Variants in AR observed in about 807,000 individuals in gnomAD.
AR encodes the protein androgen receptor.
In AR, 8 loss-of-function variants were observed where a neutral mutation model predicts 53.9. That is an observed-to-expected ratio of 0.15 (90% CI 0.09 to 0.27). The LOEUF is 0.27. Ranked by LOEUF, AR falls within the 10% of genes least tolerant of loss-of-function variation. AR has a pLI of 1.00. For missense variants in AR, 639 were observed against 742.5 expected (o/e 0.86, Z 1.62); for synonymous variants, 359 against 316.4 (o/e 1.13, Z -1.43).
intron 1 of AR, among the ~76,000 whole-genome samples, chrX:67,603,632 A>G (rs1188939316): frequency 6.2e-5 from 7 of 112,156 alleles, no homozygotes; most frequent in Non-Finnish European, 9.4e-5. Context: ...AAACAAGTTT[A>G]AAAGTATAGA....
intron 1 of AR, among the ~76,000 whole-genome samples, chrX:67,605,893 T>A (rs1923601334): frequency 8.9e-6 from 1 of 112,140 alleles, no homozygotes; most frequent in Admixed American, 9.5e-5. Flanking sequence ...AATAGACAGA[T>A]CATTGGCATT....
intron 2 of AR, among the ~76,000 whole-genome samples, chrX:67,680,484 G>A (rs890534600): frequency 8.9e-6 from 1 of 111,851 alleles, no homozygotes; most frequent in African/African-American, 3.2e-5. Context: ...CCAGGAATAT[G>A]GTACAACTTT....
intron 2 of AR, among the ~76,000 whole-genome samples, chrX:67,658,335 C>A (rs982495578): frequency 7.2e-5 from 8 of 111,633 alleles, no homozygotes; most frequent in African/African-American, 2.6e-4. Context: ...GATGAAAGAA[C>A]AGAAAGGGAA....
chrX:67,695,028 G>T (rs1021803415), intron 3 of AR: 87 of 855,073 alleles, frequency 1.0e-4, no homozygotes, highest in Non-Finnish European at 1.1e-4. Context: ...AGTGCTTTTT[G>T]ATTGTTCTTG....
intron 1 of AR, among the ~76,000 whole-genome samples, chrX:67,637,573 A>G (rs1925506961): frequency 9.2e-6 from 1 of 108,423 alleles, no homozygotes; most frequent in South Asian, 4.3e-4. Flanking sequence ...AATCCAGTCT[A>G]TCATTGTTGG....
chrX:67,707,721 C>G (rs951377504), intron 3 of AR, among the ~76,000 whole-genome samples: 1 of 111,879 alleles, frequency 8.9e-6, no homozygotes, highest in African/African-American at 3.3e-5. Flanking sequence ...TTGGTTGATG[C>G]AGTTTCTTCC....
intron 2 of AR, among the ~76,000 whole-genome samples, chrX:67,671,460 G>T (rs1303344557): frequency 1.8e-5 from 2 of 112,285 alleles, no homozygotes; most frequent in Non-Finnish European, 3.8e-5. Context: ...TTTTCTTCTT[G>T]TAAATTTGTT....
Position 67,729,827 on chromosome X carries a change from C to T in AR, c.*5986C>T, listed in dbSNP as rs757569742. ...TGGCTGCTGCCTCACAGTATGGGAA[C>T]CTGTACTCTGCAGAGGTGACAGGCC... is the stretch of plus-strand genomic sequence containing the variant. On this transcript the variant is annotated 3_prime_UTR_variant, in exon 8 of 8. Coordinates refer to ENST00000374690, the MANE Select transcript of AR (RefSeq NM_000044.6). 2.5e-3 allele frequency: 434 copies of T among 171,396 alleles called. 1 individual carries two copies. The highest frequency in any genetic ancestry group is 0.012 in the African/African-American group (405 of 33,440). The allele number at this position is 171,396 out of a possible 1,213,427, so 14.1% of individuals were successfully genotyped here. A position where few individuals can be genotyped will look rare whatever the true frequency, so the allele number is the denominator to read the frequency against.
intron 1 of AR, among the ~76,000 whole-genome samples, chrX:67,630,949 T>A (rs4618851): frequency 1.8e-5 from 2 of 110,836 alleles, no homozygotes. Flanking sequence ...CTTTTCTTTA[T>A]GAATGTTGAA....
intron 3 of AR, among the ~76,000 whole-genome samples, chrX:67,706,091 A>G (rs144093738): frequency 4.8e-4 from 54 of 111,949 alleles, no homozygotes; most frequent in Admixed American, 2.1e-3. Context: ...CATCAGGGAT[A>G]TTGGTGTAAA....
intron 1 of AR, among the ~76,000 whole-genome samples, chrX:67,612,184 T>C (rs1223177332): frequency 8.9e-6 from 1 of 112,733 alleles, no homozygotes; most frequent in Non-Finnish European, 1.9e-5. Context: ...GTCTGACATA[T>C]ATGAGAACTG....
chrX:67,700,811 G>A (rs1602264643), intron 3 of AR, among the ~76,000 whole-genome samples: 3 of 112,031 alleles, frequency 2.7e-5, no homozygotes. Context: ...TTAGGTTCAC[G>A]AGTCATCATC....
intron 1 of AR, among the ~76,000 whole-genome samples, chrX:67,627,365 A>G (rs1395449565): frequency 2.4e-4 from 27 of 111,931 alleles, no homozygotes; most frequent in Admixed American, 9.5e-5. Flanking sequence ...TTTGATTTGC[A>G]TTTCTCTGAT....
rs954694108 is a variant in AR, at chrX:67,544,942, G to T, written c.-205G>T. 8.3e-5 allele frequency: 37 copies of T among 448,063 alleles called. No homozygotes were observed. Among genetic ancestry groups the T allele is most frequent in the Non-Finnish European group, 1.2e-4 (34 of 274,147 alleles). The allele number at this position is 448,063 out of a possible 1,213,427, so 36.9% of individuals were successfully genotyped here. A position where few individuals can be genotyped will look rare whatever the true frequency, so the allele number is the denominator to read the frequency against. On this transcript the variant is annotated 5_prime_UTR_variant, in exon 1 of 8. Coordinates refer to ENST00000374690, the MANE Select transcript of AR (RefSeq NM_000044.6). ...CCTAGCAGGGCAGATCTTGTCCACCGTGTGTCTTCTTCTGCACGAGACTTT... is the reference window on the plus strand; with the variant it reads ...CCTAGCAGGGCAGATCTTGTCCACCTTGTGTCTTCTTCTGCACGAGACTTT...
intron 1 of AR, among the ~76,000 whole-genome samples, chrX:67,636,493 A>G (rs1362471686): frequency 2.7e-5 from 3 of 111,811 alleles, no homozygotes; most frequent in Non-Finnish European, 5.6e-5. Flanking sequence ...GCTCGATTCC[A>G]TTCCTTTTCA....
intron 3 of AR, among the ~76,000 whole-genome samples, chrX:67,696,803 A>G (rs2076022764): frequency 9.0e-6 from 1 of 111,048 alleles, no homozygotes; most frequent in African/African-American, 3.3e-5. Flanking sequence ...ACCTATCTCC[A>G]TTTCCCACTA....
intron 1 of AR, among the ~76,000 whole-genome samples, chrX:67,636,453 A>T (rs1304575004): frequency 2.7e-5 from 3 of 112,119 alleles, no homozygotes; most frequent in Non-Finnish European, 5.6e-5. Flanking sequence ...CTTTTACACA[A>T]CATTAGTATT....
chrX:67,664,519 T>C (rs1251936842), intron 2 of AR, among the ~76,000 whole-genome samples: 2 of 112,050 alleles, frequency 1.8e-5, no homozygotes, highest in Admixed American at 1.9e-4. Flanking sequence ...GGTGTCAGTC[T>C]GCCCCTACTT....
At chrX:67,564,817 T>G (rs972264854) in intron 1 of AR, among the ~76,000 whole-genome samples, 3 of 111,932 alleles carry the variant, frequency 2.7e-5, no homozygotes, top group Non-Finnish European at 5.6e-5. Flanking sequence ...ACTTCTAAAT[T>G]TATTAGTGGA....
Sources: allele counts gnomAD v4.1 joint callset (sites outside exome capture counted in the v4.1 genomes callset), GRCh38; gene constraint gnomAD v4.1.1; transcripts MANE v1.5; gene names NCBI Gene and HGNC (gene_info 2026-07-23, HGNC 2026-07-21).